The following ASIC2 variants were observed in gnomAD, a reference collection of about 807,000 sequenced individuals.
ASIC2 encodes acid-sensing ion channel 2.
Under a neutral mutation model 57.3 loss-of-function variants are expected in ASIC2, and 25 were observed. That is an observed-to-expected ratio of 0.44 (90% CI 0.32 to 0.61). The LOEUF (loss-of-function observed/expected upper bound fraction) is 0.61, where lower values mean the gene tolerates loss of function less well. Among genes scored for constraint, ASIC2 ranks in the 20% least tolerant of loss-of-function variants. The probability of loss-of-function intolerance (pLI) is 0.06; values close to 1 mark genes in which losing one functional copy is unlikely to be tolerated. For missense variants in ASIC2, 641 were observed against 738.1 expected, an observed-to-expected ratio of 0.87 and a Z score of 1.52; for synonymous variants, 319 against 307.5, an observed-to-expected ratio of 1.04 and a Z score of -0.39.
chr17:33,649,823 G>C (rs1906861825), intron 1 of ASIC2, among the ~76,000 whole-genome samples: 1 of 152,144 alleles, frequency 6.6e-6, no homozygotes, highest in African/African-American at 2.4e-5. Flanking sequence ...GATATCCATA[G>C]GCCAAAAGAT....
At chr17:33,397,779 G>A (rs1376865346) in intron 1 of ASIC2, among the ~76,000 whole-genome samples, 2 of 152,180 alleles carry the variant, frequency 1.3e-5, no homozygotes, top group South Asian at 2.1e-4. Flanking sequence ...CTAGCTGGAG[G>A]AGCCCCATTG....
chr17:33,373,505 T>C (rs1314583654), intron 1 of ASIC2, among the ~76,000 whole-genome samples: 1 of 152,214 alleles, frequency 6.6e-6, no homozygotes, highest in African/African-American at 2.4e-5. Flanking sequence ...TTGTGAAAAC[T>C]AATGAGGGAC....
intron 1 of ASIC2, among the ~76,000 whole-genome samples, chr17:33,501,890 G>A (rs1349697229): frequency 2.0e-5 from 3 of 152,222 alleles, no homozygotes; most frequent in Non-Finnish European, 4.4e-5. Flanking sequence ...GGGCCAGGTA[G>A]GGCAGGAGTG....
At chr17:33,999,115 C>T (rs919560895) in intron 1 of ASIC2, among the ~76,000 whole-genome samples, 1 of 152,054 alleles carries the variant, frequency 6.6e-6, no homozygotes, top group African/African-American at 2.4e-5. Context: ...TATGTAATGA[C>T]CTTCTTCATC....
intron 1 of ASIC2, among the ~76,000 whole-genome samples, chr17:33,374,090 G>A (rs1406832652): frequency 6.6e-6 from 1 of 152,064 alleles, no homozygotes; most frequent in Non-Finnish European, 1.5e-5. Context: ...CCACCTCCTG[G>A]GCTCAAGTGA....
chr17:33,377,146 G>A (rs1031049832), intron 1 of ASIC2, among the ~76,000 whole-genome samples: 1 of 152,108 alleles, frequency 6.6e-6, no homozygotes. Context: ...CTCCTCCTGG[G>A]TTCAAGTGAT....
intron 3 of ASIC2, among the ~76,000 whole-genome samples, chr17:33,083,372 T>A (rs2092121058): frequency 6.6e-6 from 1 of 152,128 alleles, no homozygotes; most frequent in South Asian, 2.1e-4. Flanking sequence ...CCCTTGGAAG[T>A]GTGACAAAAA....
upstream of ASIC2, among the ~76,000 whole-genome samples, chr17:33,296,787 G>GAC (rs1339071364): frequency 6.6e-6 from 1 of 152,240 alleles, no homozygotes; most frequent in Non-Finnish European, 1.5e-5. Flanking sequence ...TTTCAGAGCT[G>GAC]ACACTTGTGT....
chr17:33,119,041 G>T (rs944527216), intron 1 of ASIC2, among the ~76,000 whole-genome samples: 6 of 152,096 alleles, frequency 3.9e-5, no homozygotes, highest in African/African-American at 1.2e-4. Context: ...CCAATTAATA[G>T]TGCAAACAAC....
rs1322096116 is a variant in ASIC2, at chr17:33,371,022, C to T, written c.556-258955G>A. Among the ~76,000 whole-genome samples the T allele has an allele frequency of 2.6e-5, 4 of 152,162 alleles. No individual in the cohort carries two copies. In the East Asian group the frequency reaches 7.7e-4, roughly 29 times the overall value. On this transcript the variant is annotated intron_variant, in intron 1 of 9. Coordinates refer to the ASIC2 transcript ENST00000359872. ...TCTAGGTATAATGCTTCTTTATATA[C>T]AGGATAACAAAAAAGTCATGGGGAG...
chr17:33,208,534 C>A (rs1008601689), intron 1 of ASIC2, among the ~76,000 whole-genome samples: 1 of 152,086 alleles, frequency 6.6e-6, no homozygotes, highest in African/African-American at 2.4e-5. Flanking sequence ...CTTACTTTTT[C>A]TTTTTCCTTT....
At chr17:34,000,081 A>G (rs1185933845) in intron 1 of ASIC2, among the ~76,000 whole-genome samples, 1 of 151,374 alleles carries the variant, frequency 6.6e-6, no homozygotes. Flanking sequence ...AGTCCTTTGA[A>G]TATATCATCC....
intron 1 of ASIC2, among the ~76,000 whole-genome samples, chr17:34,134,111 C>T (rs1177608657): frequency 1.3e-5 from 2 of 152,136 alleles, no homozygotes; most frequent in Non-Finnish European, 2.9e-5. Context: ...AGCCAGCATC[C>T]CTTCTTTATA....
chr17:34,079,862 T>C (rs542702374), intron 1 of ASIC2, among the ~76,000 whole-genome samples: 14 of 152,178 alleles, frequency 9.2e-5, no homozygotes, highest in Non-Finnish European at 2.1e-4. Flanking sequence ...GGGAGATGGA[T>C]AGAGGAGGCT....
intron 3 of ASIC2, among the ~76,000 whole-genome samples, chr17:33,071,996 G>A (rs2092071150): frequency 6.6e-6 from 1 of 152,098 alleles, no homozygotes. Context: ...CTACCCCAAT[G>A]AGGAATATGC....
chr17:33,186,405 C>T (rs560377706), intron 1 of ASIC2, among the ~76,000 whole-genome samples: 15 of 152,320 alleles, frequency 9.8e-5, no homozygotes, highest in Admixed American at 3.3e-4. Flanking sequence ...ACCACCACCC[C>T]TGGCCTTATA....
At position 33,143,227 on chromosome 17, in the gene ASIC2, T is replaced by G. The variant is rs1597600833; in HGVS notation, c.709-31160A>C. Reference sequence around the variant, plus strand: ...CAGGTGAAATGTAGATATCTTGACATGTAGATATCTCAGGTGGACCACATT... The same window carrying G: ...CAGGTGAAATGTAGATATCTTGACAGGTAGATATCTCAGGTGGACCACATT... On this transcript the variant is annotated intron_variant, in intron 1 of 9. Transcript: ENST00000225823. 4.6e-5 allele frequency among the ~76,000 whole-genome samples: 7 copies of G among 152,306 alleles called. No homozygotes were observed. The South Asian group carries it at 1.5e-3, about 32-fold the overall frequency.
At chr17:33,887,601 G>A (rs1483429839) in intron 1 of ASIC2, among the ~76,000 whole-genome samples, 1 of 152,162 alleles carries the variant, frequency 6.6e-6, no homozygotes, top group African/African-American at 2.4e-5. Flanking sequence ...TGTGCGGAGA[G>A]GTGAGACCTT....
Position 33,272,537 on chromosome 17 carries a change from T to C in ASIC2, c.708+18871A>G, listed in dbSNP as rs140933713. Among the ~76,000 whole-genome samples, 286 of 152,198 alleles carry C rather than the reference T, an allele frequency of 1.9e-3. 1 individual carries two copies. The highest frequency in any genetic ancestry group is 0.013 in the South Asian group (63 of 4,816). On this transcript the variant is annotated intron_variant, in intron 1 of 9. Coordinates refer to ENST00000225823, the MANE Select transcript of ASIC2 (RefSeq NM_183377.2). ...GAGATATACAAGGCTCTGAGGAAAA[T>C]CCTCTTATCACATAAACCCATGAGC... is the stretch of plus-strand genomic sequence containing the variant.
Sources: gnomAD v4.1 joint callset for allele counts (sites outside exome capture counted in the v4.1 genomes callset) on GRCh38, gnomAD v4.1.1 for gene constraint, MANE v1.5 for transcripts, NCBI Gene and HGNC (gene_info 2026-07-23, HGNC 2026-07-21) for gene names.